Variants in SIPA1L1 observed in about 807,000 individuals in gnomAD.
SIPA1L1 encodes signal-induced proliferation-associated 1-like protein 1.
In SIPA1L1, 26 loss-of-function variants were observed where a neutral mutation model predicts 162.7. The observed-to-expected ratio is 0.16, with a 90% CI of 0.12 to 0.22. SIPA1L1 has a LOEUF of 0.22. Among genes scored for constraint, SIPA1L1 ranks in the 10% least tolerant of loss-of-function variants. SIPA1L1 has a pLI of 1.00. For synonymous variants in SIPA1L1, 829 were observed against 837.4 expected (o/e 0.99, Z 0.17); for missense variants, 1,874 against 2,241.0 (o/e 0.84, Z 3.31).
At chr14:71,544,817 A>T (rs905029202) in intron 4 of SIPA1L1, among the ~76,000 whole-genome samples, 1 of 152,186 alleles carries the variant, frequency 6.6e-6, no homozygotes, top group Admixed American at 6.5e-5. Flanking sequence ...TAAGTCAATT[A>T]TACACTGTCT....
At chr14:71,442,296 A>G (rs1233278822) in intron 2 of SIPA1L1, among the ~76,000 whole-genome samples, 4 of 151,678 alleles carry the variant, frequency 2.6e-5, no homozygotes, top group Non-Finnish European at 1.5e-5. Flanking sequence ...AAGGGTCAGT[A>G]TCCTAAATTA....
intron 9 of SIPA1L1, among the ~76,000 whole-genome samples, chr14:71,660,911 A>C (rs1162446109): frequency 1.3e-5 from 2 of 152,240 alleles, no homozygotes; most frequent in African/African-American, 4.8e-5. Flanking sequence ...CAATGAGGCC[A>C]GTTAAACCAG....
intron 2 of SIPA1L1, among the ~76,000 whole-genome samples, chr14:71,490,401 A>C (rs1472973878): frequency 6.6e-6 from 1 of 152,186 alleles, no homozygotes; most frequent in Non-Finnish European, 1.5e-5. Flanking sequence ...TCAGTGCTTA[A>C]CATTATGTCT....
At chr14:71,617,394 G>A (rs1026625384) in intron 5 of SIPA1L1, among the ~76,000 whole-genome samples, 29 of 152,204 alleles carry the variant, frequency 1.9e-4, no homozygotes, top group African/African-American at 6.5e-4. Flanking sequence ...GCTGTGCTTT[G>A]AGGATATGCA....
intron 2 of SIPA1L1, among the ~76,000 whole-genome samples, chr14:71,471,457 A>C (rs1595637119): frequency 6.6e-6 from 1 of 152,222 alleles, no homozygotes; most frequent in Non-Finnish European, 1.5e-5. Flanking sequence ...CAACAAAGCA[A>C]GACTCTGTCT....
chr14:71,331,392 ATTT>A (rs1188574607), intron 2 of SIPA1L1, among the ~76,000 whole-genome samples: 2 of 152,192 alleles, frequency 1.3e-5, no homozygotes, highest in African/African-American at 4.8e-5. Context: ...AATTCAAAGA[ATTT>A]TTCCTGTTTT....
At chr14:71,597,589 T>C (rs1262824012) in intron 5 of SIPA1L1, among the ~76,000 whole-genome samples, 1 of 152,154 alleles carries the variant, frequency 6.6e-6, no homozygotes, top group Non-Finnish European at 1.5e-5. Context: ...AAGGTGTCCC[T>C]GTGGAGTAAA....
chr14:71,728,843 C>A (rs1468386074), intron 19 of SIPA1L1, among the ~76,000 whole-genome samples: 1 of 152,126 alleles, frequency 6.6e-6, no homozygotes, highest in Non-Finnish European at 1.5e-5. Flanking sequence ...TGCTCTGTTG[C>A]CTTTCAGGTT....
chr14:71,391,232 G>A (rs570366262), intron 2 of SIPA1L1, among the ~76,000 whole-genome samples: 14 of 148,818 alleles, frequency 9.4e-5, no homozygotes, highest in Admixed American at 7.5e-4. Context: ...TCAGCCTCCC[G>A]AGTAGCTGGG....
At chr14:71,393,094 GA>G (rs771225053) in intron 2 of SIPA1L1, among the ~76,000 whole-genome samples, 11 of 152,232 alleles carry the variant, frequency 7.2e-5, no homozygotes, top group Non-Finnish European at 1.2e-4. Context: ...AAGTGTGTAA[GA>G]GTGTACTTTT....
chr14:71,407,012 C>T (rs1595283921), intron 2 of SIPA1L1, among the ~76,000 whole-genome samples: 1 of 152,124 alleles, frequency 6.6e-6, no homozygotes, highest in East Asian at 1.9e-4. Context: ...GAAGCCCAGG[C>T]AGCCAGATCA....
At chr14:71,687,861 G>T (rs2080983284) in intron 13 of SIPA1L1, among the ~76,000 whole-genome samples, 2 of 152,124 alleles carry the variant, frequency 1.3e-5, no homozygotes, top group African/African-American at 4.8e-5. Flanking sequence ...AAGGGCCATA[G>T]GTGGGGCTGA....
intron 2 of SIPA1L1, among the ~76,000 whole-genome samples, chr14:71,508,237 G>A (rs2050833135): frequency 1.3e-5 from 2 of 152,118 alleles, no homozygotes; most frequent in South Asian, 4.1e-4. Flanking sequence ...CACTCCATGG[G>A]TCAAGGAAAA....
Position 71,415,429 on chromosome 14 carries a change from A to T in SIPA1L1, c.-465+94248A>T, listed in dbSNP as rs1386074104. Among the ~76,000 whole-genome samples, 3 of 152,318 alleles carry T rather than the reference A, an allele frequency of 2.0e-5. No homozygotes were observed. In the East Asian group the frequency reaches 5.8e-4, roughly 29 times the overall value. On this transcript the variant is annotated intron_variant, in intron 2 of 23. Transcript: ENST00000381232. ...AAAAATCCAGGCTTATAATAGCAAC[A>T]CAACTGAAAAACTGTCTTTGAAAAC...
chr14:71,429,370 C>G (rs1437969111), intron 2 of SIPA1L1, among the ~76,000 whole-genome samples: 1 of 149,998 alleles, frequency 6.7e-6, no homozygotes, highest in Non-Finnish European at 1.5e-5. Context: ...ATTTTAGAAA[C>G]TTCACATAAT....
At chr14:71,505,421 CTTT>C (rs530843410) in intron 2 of SIPA1L1, among the ~76,000 whole-genome samples, 1 of 128,568 alleles carries the variant, frequency 7.8e-6, no homozygotes. Context: ...TCTCTTTCTT[CTTT>C]TTTTTTTTTT....
chr14:71,356,567 C>CAAAAAAAAAAAAAAAAAAAA lies in SIPA1L1; in HGVS notation c.-465+35387_-465+35406dup, dbSNP rs71105772. On this transcript the variant is annotated intron_variant, in intron 2 of 23. Transcript: ENST00000381232. The stretch of plus-strand genomic sequence containing the variant: ...GCAACATAGCAAGACCTTGTCTCTA[C>CAAAAAAAAAAAAAAAAAAAA]AAAAAAAAAAAAAAAAAAAAGCACA... Among the ~76,000 whole-genome samples the CAAAAAAAAAAAAAAAAAAAA allele has an allele frequency of 8.3e-3, 326 of 39,140 alleles. 119 individuals are homozygous for CAAAAAAAAAAAAAAAAAAAA. Among genetic ancestry groups the CAAAAAAAAAAAAAAAAAAAA allele is most frequent in the Admixed American group, 0.029 (60 of 2,082 alleles). The allele number at this position is 39,140 out of a possible 152,430, so 25.7% of individuals were successfully genotyped here. A position where few individuals can be genotyped will look rare whatever the true frequency, so the allele number is the denominator to read the frequency against.
intron 2 of SIPA1L1, among the ~76,000 whole-genome samples, chr14:71,380,339 A>C (rs1285080236): frequency 6.6e-6 from 1 of 152,220 alleles, no homozygotes; most frequent in African/African-American, 2.4e-5. Context: ...AATGACGCTC[A>C]TCTCATAACT....
intron 2 of SIPA1L1, among the ~76,000 whole-genome samples, chr14:71,460,081 A>G (rs2046480798): frequency 6.6e-6 from 1 of 152,260 alleles, no homozygotes; most frequent in Non-Finnish European, 1.5e-5. Flanking sequence ...GATAAAGGAA[A>G]AGGAAATAAA....
Sources: allele counts gnomAD v4.1 joint callset (sites outside exome capture counted in the v4.1 genomes callset), GRCh38; gene constraint gnomAD v4.1.1; transcripts MANE v1.5; gene names NCBI Gene and HGNC (gene_info 2026-07-23, HGNC 2026-07-21).